PAPPA: variants seen among roughly 807,000 people sequenced by gnomAD.
The protein encoded by PAPPA is pappalysin-1.
A neutral mutation model predicts 164.0 loss-of-function variants in PAPPA; 60 were observed. The ratio of observed to expected loss-of-function variants is 0.37; its 90% CI spans 0.30 to 0.45. PAPPA has a LOEUF of 0.45. Among genes scored for constraint, PAPPA ranks in the 20% least tolerant of loss-of-function variants. The pLI is 1.00. For missense variants in PAPPA, 1,782 were observed against 2,087.3 expected (o/e 0.85, Z 2.85); for synonymous variants, 875 against 814.1 (o/e 1.07, Z -1.27).
At chr9:116,337,732 T>A (rs1846080143) in intron 13 of PAPPA, among the ~76,000 whole-genome samples, 1 of 151,612 alleles carries the variant, frequency 6.6e-6, no homozygotes, top group Admixed American at 6.6e-5. Context: ...CTTACCTCCT[T>A]TCTCTTCCTC....
intron 21 of PAPPA, among the ~76,000 whole-genome samples, chr9:116,390,672 A>ATGTT (rs1206408643): frequency 1.3e-5 from 2 of 148,370 alleles, no homozygotes; most frequent in Admixed American, 1.4e-4. Context: ...GGCTTCTGGA[A>ATGTT]TGTTATTAAA....
At chr9:116,316,560 G>A (rs1161474768) in intron 10 of PAPPA, 1 of 152,188 alleles carries the variant, frequency 6.6e-6, no homozygotes, top group African/African-American at 2.4e-5. Context: ...ATAGAGTGGT[G>A]GACATATAAG....
In PAPPA at chr9:116,187,804, C is replaced by T. The variant is rs1028915320; in HGVS notation, c.1066C>T (p.Arg356Cys). 2.5e-6 allele frequency: 4 copies of T among 1,614,128 alleles called. No homozygotes were observed. The highest frequency in any genetic ancestry group is 1.3e-5 in the African/African-American group (1 of 74,944). ...CCGCCAGCCCAAGGTGGTGCGCTAC[C>T]GCGTGGTCAACCTCTATGAAGATGA... The part of the protein sequence containing the change: ...SFRQPKVVRY[R>C]VVNLYEDDHK... Residue 356 changes from arginine to cysteine, a missense_variant, in exon 2 of 22, where the codon CGC (arginine) becomes TGC (cysteine). By Grantham distance (180) the Arg-to-Cys change is radical. Coordinates refer to ENST00000328252, the MANE Select transcript of PAPPA (RefSeq NM_002581.5). The surrounding 1 kb of genome is among the most constrained non-coding windows in gnomAD (Gnocchi z 4.2).
chr9:116,186,987 C>T (rs965605146), intron 1 of PAPPA, among the ~76,000 whole-genome samples, 167 bp from the exon 2 acceptor site: 5 of 152,036 alleles, frequency 3.3e-5, no homozygotes, highest in Admixed American at 2.6e-4. Flanking sequence ...GCCTTGCCCT[C>T]GAGGTGGTCC....
Position 116,362,785 on chromosome 9 carries a change from C to A in PAPPA, c.4495+46C>A, listed in dbSNP as rs3747826. On this transcript the variant is annotated intron_variant, in intron 18 of 21. Coordinates refer to ENST00000328252, the MANE Select transcript of PAPPA (RefSeq NM_002581.5). ...GAGCAGTAGGAGGGGCAATTCCTTCCAGCAATGCAGGGCTAATGCCTGGGT... is the reference window on the plus strand; with the variant it reads ...GAGCAGTAGGAGGGGCAATTCCTTCAAGCAATGCAGGGCTAATGCCTGGGT... 138 of 1,584,958 alleles carry A rather than the reference C, an allele frequency of 8.7e-5. No individual in the cohort carries two copies. In the East Asian group the frequency reaches 3.1e-3, roughly 35 times the overall value.
At chr9:116,322,304 G>T (rs1588003444) in intron 10 of PAPPA, among the ~76,000 whole-genome samples, 1 of 152,058 alleles carries the variant, frequency 6.6e-6, no homozygotes, top group East Asian at 1.9e-4. Flanking sequence ...CAGCTACTCG[G>T]GGGGTGGAGG....
chr9:116,266,086 A>G, intron 8 of PAPPA, 101 bp downstream of exon 8: 1 of 1,042,668 alleles, frequency 9.6e-7, no homozygotes, highest in Non-Finnish European at 1.4e-6. Flanking sequence ...TCTTCAGTGC[A>G]TGAGCTGTGA....
intron 9 of PAPPA, among the ~76,000 whole-genome samples, chr9:116,283,469 G>C (rs547725815): frequency 9.9e-5 from 15 of 152,218 alleles, no homozygotes; most frequent in Non-Finnish European, 2.1e-4. Context: ...GAAGTCACAG[G>C]GGGTGAGTGG....
At chr9:116,359,177 AC>A (rs898947188) in intron 17 of PAPPA, among the ~76,000 whole-genome samples, 2 of 152,166 alleles carry the variant, frequency 1.3e-5, no homozygotes. Flanking sequence ...TTGAAAACTC[AC>A]TTTTTCACTT....
intron 1 of PAPPA, among the ~76,000 whole-genome samples, chr9:116,173,779 A>G (rs1369712781): frequency 1.3e-5 from 2 of 152,090 alleles, no homozygotes; most frequent in Non-Finnish European, 2.9e-5. Flanking sequence ...CTCTTTTGAG[A>G]CTCATCCAGG....
At chr9:116,364,896 C>T (rs973523702) in intron 18 of PAPPA, among the ~76,000 whole-genome samples, 1 of 152,122 alleles carries the variant, frequency 6.6e-6, no homozygotes, top group Non-Finnish European at 1.5e-5. Context: ...ACGGCTGGCA[C>T]CCAGATGTCC....
In PAPPA at chr9:116,271,426, T is replaced by C. The variant is rs375270444; in HGVS notation, c.2953+10T>C. On this transcript the variant is annotated intron_variant, in intron 9 of 21. Transcript: ENST00000328252. This position sits in a 1 kb window ranked among gnomAD's most constrained non-coding sequence, Gnocchi z 4.2. ...TCCTTCAATTGTATTGGTACGTCTT[T>C]TTCATTTCTTGTGGCCTTCATGAAG... 2 of 1,588,984 alleles carry C rather than the reference T, an allele frequency of 1.3e-6. No individual in the cohort carries two copies. Among genetic ancestry groups the C allele is most frequent in the Non-Finnish European group, 1.7e-6 (2 of 1,156,946 alleles).
intron 9 of PAPPA, among the ~76,000 whole-genome samples, chr9:116,302,396 G>A (rs999394220): frequency 2.6e-5 from 4 of 151,456 alleles, no homozygotes; most frequent in Non-Finnish European, 5.9e-5. Flanking sequence ...CTCCTCCCCC[G>A]AGATCCTGGA....
chr9:116,192,766 T>G (rs796804643), intron 2 of PAPPA, among the ~76,000 whole-genome samples: 11 of 152,374 alleles, frequency 7.2e-5, no homozygotes, highest in African/African-American at 2.6e-4. Flanking sequence ...GGACTTCATC[T>G]GCAGCCATTA....
intron 12 of PAPPA, among the ~76,000 whole-genome samples, chr9:116,334,031 A>T (rs1163260980): frequency 6.6e-6 from 1 of 152,078 alleles, no homozygotes; most frequent in Non-Finnish European, 1.5e-5. Flanking sequence ...TTTGGATGTG[A>T]AAACTGAGTT....
intron 9 of PAPPA, chr9:116,286,486 C>T (rs1377027414): frequency 6.6e-6 from 1 of 152,066 alleles, no homozygotes; most frequent in Non-Finnish European, 1.5e-5. Context: ...GCATTTAAGC[C>T]AATGCTCTTT....
At chr9:116,343,739 A>ATTTT (rs909042855) in intron 13 of PAPPA, among the ~76,000 whole-genome samples, 4 of 52,736 alleles carry the variant, frequency 7.6e-5, no homozygotes, top group South Asian at 7.5e-4. Context: ...GCTACCACTT[A>ATTTT]TTTTTATTTA....
intron 10 of PAPPA, among the ~76,000 whole-genome samples, chr9:116,326,198 G>C (rs769120993): frequency 2.0e-5 from 3 of 152,098 alleles, no homozygotes; most frequent in African/African-American, 7.2e-5. Context: ...GAGGGTGCTT[G>C]TCAGCCCAAC....
rs1161050208 is a variant in PAPPA at position 116,352,757 on chromosome 9, A to C, written c.4016A>C (p.Glu1339Ala). 2 of 1,613,748 alleles carry C rather than the reference A, an allele frequency of 1.2e-6. No homozygotes were observed. The highest frequency in any genetic ancestry group is 1.7e-5 in the Admixed American group (1 of 60,028). ...GAGGATGGGCTGTGGTCCTTCCCAG[A>C]GGCCCTGTGTGAGCTCATGTGCCTC... Reference protein sequence around the residue: ...CMEDGLWSFPEALCELMCLAP... With the variant: ...CMEDGLWSFPAALCELMCLAP... The change falls in exon 16 of 22, where the codon GAG (glutamate) becomes GCG (alanine). Residue 1339 changes from glutamate to alanine, a missense_variant. By Grantham distance (107) the Glu-to-Ala change is moderately radical (BLOSUM62 -1). Transcript: ENST00000328252.
Sources: allele counts gnomAD v4.1 joint callset (sites outside exome capture counted in the v4.1 genomes callset), GRCh38; gene constraint gnomAD v4.1.1; non-coding constraint Gnocchi (gnomAD v3.1); transcripts MANE v1.5; gene names NCBI Gene and HGNC (gene_info 2026-07-23, HGNC 2026-07-21).